Variants in MSI2 observed in about 807,000 individuals in gnomAD.
MSI2 encodes RNA-binding protein Musashi homolog 2.
A neutral mutation model predicts 45.6 loss-of-function variants in MSI2; 17 were observed. That is an observed-to-expected ratio of 0.37 (90% confidence interval 0.26 to 0.56). The LOEUF is 0.56. MSI2 is among the 20% of genes least tolerant of loss of function. The pLI is 0.77. For missense variants in MSI2, 293 were observed against 444.2 expected, an observed-to-expected ratio of 0.66 and a Z score of 3.06; for synonymous variants, 156 against 158.2, an observed-to-expected ratio of 0.99 and a Z score of 0.11.
chr17:57,307,813 TTCTC>T (rs1912044415), intron 5 of MSI2, among the ~76,000 whole-genome samples: 1 of 152,108 alleles, frequency 6.6e-6, no homozygotes, highest in Non-Finnish European at 1.5e-5. Flanking sequence ...CTCTCCCTCT[TTCTC>T]TCTCTCTCCT....
chr17:57,257,688 C>G (rs541707472), intron 3 of MSI2, 141 bp downstream of exon 3: 2 of 600,836 alleles, frequency 3.3e-6, no homozygotes, highest in African/African-American at 3.7e-5. Context: ...TCTATACCAC[C>G]CCCACCGCCC....
intron 6 of MSI2, among the ~76,000 whole-genome samples, chr17:57,499,928 C>CAGA (rs1248599159): frequency 6.6e-6 from 1 of 152,076 alleles, no homozygotes; most frequent in Non-Finnish European, 1.5e-5. Flanking sequence ...ACAGACAAGG[C>CAGA]AGAAGCGTGT....
At chr17:57,584,853 G>A (rs1342341996) in intron 7 of MSI2, among the ~76,000 whole-genome samples, 5 of 150,668 alleles carry the variant, frequency 3.3e-5, no homozygotes, top group Non-Finnish European at 4.4e-5. Context: ...TTGGGGTCTC[G>A]CTCTGTCACC....
the MSI2 span, among the ~76,000 whole-genome samples, chr17:57,695,620 G>A: frequency 3.2e-4 from 48 of 152,198 alleles, no homozygotes; most frequent in South Asian, 9.9e-3. Flanking sequence ...CAGAAGCAGA[G>A]CTCTCTGTGA....
chr17:57,614,023 AGAG>A (rs1270084282), intron 8 of MSI2, among the ~76,000 whole-genome samples: 1 of 152,106 alleles, frequency 6.6e-6, no homozygotes, highest in Non-Finnish European at 1.5e-5. Context: ...GATAACCCAT[AGAG>A]GTTCCTTTTT....
At chr17:57,301,777 TG>T (rs1481805326) in intron 5 of MSI2, among the ~76,000 whole-genome samples, 4 of 105,046 alleles carry the variant, frequency 3.8e-5, no homozygotes, top group Non-Finnish European at 9.6e-5. Flanking sequence ...CGAATATTCT[TG>T]GTTTTTTTTT....
At chr17:57,561,069 G>A (rs2087563505) in intron 7 of MSI2, among the ~76,000 whole-genome samples, 1 of 152,186 alleles carries the variant, frequency 6.6e-6, no homozygotes, top group South Asian at 2.1e-4. Flanking sequence ...GGTGCCCTCT[G>A]CACAGGCTGA....
the MSI2 span, among the ~76,000 whole-genome samples, chr17:57,690,807 T>G: frequency 6.6e-6 from 1 of 152,344 alleles, no homozygotes; most frequent in South Asian, 2.1e-4. Context: ...TTATCAATCT[T>G]TTTAAATGGA....
intron 5 of MSI2, among the ~76,000 whole-genome samples, chr17:57,362,333 T>A (rs931524331): frequency 2.0e-5 from 3 of 152,224 alleles, no homozygotes; most frequent in Non-Finnish European, 4.4e-5. Context: ...TTTGTTTATA[T>A]TTGAGGGAAC....
intron 5 of MSI2, among the ~76,000 whole-genome samples, chr17:57,292,344 A>T (rs191401397): frequency 5.3e-5 from 8 of 152,274 alleles, no homozygotes; most frequent in Non-Finnish European, 1.0e-4. Flanking sequence ...TGGCAGTGTT[A>T]TAAGTCATGG....
intron 10 of MSI2, chr17:57,631,434 G>A (rs11079317): frequency 0.14 from 32,385 of 224,770 alleles, 3,093 homozygotes; most frequent in East Asian, 0.39. Context: ...CTCACCATGT[G>A]ACATGGGGCT....
chr17:57,499,647 C>G (rs1435937955), intron 6 of MSI2, among the ~76,000 whole-genome samples: 1 of 152,158 alleles, frequency 6.6e-6, no homozygotes, highest in Non-Finnish European at 1.5e-5. Context: ...TATATTATTT[C>G]TCGTGGTTTC....
chr17:57,699,074 T>A, the MSI2 span, among the ~76,000 whole-genome samples: 2 of 98,002 alleles, frequency 2.0e-5, no homozygotes, highest in Admixed American at 1.0e-4. Context: ...TGTGTGTGTG[T>A]GAAGGTGAGA....
intron 6 of MSI2, among the ~76,000 whole-genome samples, chr17:57,483,543 C>T (rs1028762161): frequency 2.0e-5 from 3 of 152,106 alleles, no homozygotes; most frequent in East Asian, 1.9e-4. Context: ...CCAGGTACTG[C>T]GGAGGTAGCA....
chr17:57,425,731 C>T (rs2084479029), intron 6 of MSI2, among the ~76,000 whole-genome samples: 1 of 152,222 alleles, frequency 6.6e-6, no homozygotes, highest in South Asian at 2.1e-4. Flanking sequence ...GCATTTCTCT[C>T]CTGCTCCTGC....
At chr17:57,614,316 G>A (rs369078130) in intron 8 of MSI2, among the ~76,000 whole-genome samples, 1 of 152,200 alleles carries the variant, frequency 6.6e-6, no homozygotes. Flanking sequence ...GCCTCCCAAA[G>A]TGTTGGGATT....
chr17:57,305,220 G>A (rs1225783680), intron 5 of MSI2, among the ~76,000 whole-genome samples: 2 of 152,102 alleles, frequency 1.3e-5, no homozygotes, highest in Admixed American at 1.3e-4. Flanking sequence ...AGAAGGGCCC[G>A]AGCATCTGTC....
chr17:57,497,831 T>C (rs4793549), intron 6 of MSI2, among the ~76,000 whole-genome samples: 138,095 of 151,866 alleles, frequency 0.91, 62,926 homozygotes, highest in African/African-American at 0.97. Context: ...GATGACAGCG[T>C]CAGCCCTGGT....
intron 6 of MSI2, among the ~76,000 whole-genome samples, chr17:57,439,561 T>TC (rs1270517461): frequency 7.9e-6 from 1 of 126,674 alleles, no homozygotes; most frequent in Non-Finnish European, 1.6e-5. Flanking sequence ...GGCTTTGTCT[T>TC]TTTTTTTTTT....
Sources: gnomAD v4.1 joint callset for allele counts (sites outside exome capture counted in the v4.1 genomes callset) on GRCh38, gnomAD v4.1.1 for gene constraint, MANE v1.5 for transcripts, NCBI Gene and HGNC (gene_info 2026-07-23, HGNC 2026-07-21) for gene names.